LRRC56: variants seen among roughly 807,000 people sequenced by gnomAD.
The protein encoded by LRRC56 is leucine rich repeat containing 56.
A neutral mutation model predicts 47.8 loss-of-function variants in LRRC56; 41 were observed. That is an observed-to-expected ratio of 0.86 (90% CI 0.67 to 1.11). The LOEUF (loss-of-function observed/expected upper bound fraction) is 1.11. Ranked by LOEUF, LRRC56 falls within the 50% of genes most tolerant of loss-of-function variation. The probability of loss-of-function intolerance (pLI) is 0.00; values close to 1 mark genes in which losing one functional copy is unlikely to be tolerated. For missense variants in LRRC56, 759 were observed against 704.2 expected (o/e 1.08, Z -0.88); for synonymous variants, 387 against 311.2 (o/e 1.24, Z -2.56).
chr11:530,084 G>A, the LRRC56 span, among the ~76,000 whole-genome samples: 1 of 152,272 alleles, frequency 6.6e-6, no homozygotes, highest in Middle Eastern at 3.4e-3. Context: ...GCCACCCAGG[G>A]ACCTGGATGC....
At chr11:521,783 C>T in the LRRC56 span, among the ~76,000 whole-genome samples, 5 of 152,016 alleles carry the variant, frequency 3.3e-5, no homozygotes, top group South Asian at 2.1e-4. Context: ...GACGTGGTGG[C>T]GAGCGCCTGT....
intron 8 of LRRC56, 135 bp downstream of exon 8, chr11:550,407 C>G: frequency 1.2e-6 from 1 of 819,844 alleles, no homozygotes; most frequent in Non-Finnish European, 1.9e-6. Flanking sequence ...CATGAGTTCA[C>G]CTCCTCTGTC....
the LRRC56 span, among the ~76,000 whole-genome samples, chr11:517,420 G>C: frequency 6.6e-6 from 1 of 151,038 alleles, no homozygotes; most frequent in Non-Finnish European, 1.5e-5. Context: ...TGGCTGCCCC[G>C]TCTGGGAGTT....
Position 552,123 on chromosome 11 carries a change from A to G in LRRC56, c.1072A>G (p.Arg358Gly), listed in dbSNP as rs1554890697. ...REPPEQLPQH[R>G]PGDPAASTST... ...GCCCCCCGAGCAGCTGCCCCAACAC[A>G]GGCCAGGAGATCCGGCCGCCAGCAC... is the stretch of plus-strand genomic sequence containing the variant. Residue 358 changes from arginine to glycine, a missense_variant, in exon 12 of 14, where the codon AGG (arginine) becomes GGG (glycine). Coordinates refer to ENST00000270115, the MANE Select transcript of LRRC56 (RefSeq NM_198075.4). The G allele has an allele frequency of 6.2e-6, 10 of 1,612,328 alleles. No individual in the cohort carries two copies. The Admixed American group carries it at 1.7e-4, about 27-fold the overall frequency.
At position 541,661 on chromosome 11, in the gene LRRC56, G is replaced by A. The variant is rs750650721; in HGVS notation, c.265+37G>A. Reference sequence around the variant, plus strand: ...CCCACCCCGCCATGGCCACGGCCACGGCCACGCCTCCCTGTAAACAACACA... The same window carrying A: ...CCCACCCCGCCATGGCCACGGCCACAGCCACGCCTCCCTGTAAACAACACA... On this transcript the variant is annotated intron_variant, in intron 5 of 13. Transcript: ENST00000270115. This position sits in a 1 kb window ranked among gnomAD's most constrained non-coding sequence, Gnocchi z 4.1. The A allele has an allele frequency of 7.7e-6, 10 of 1,299,698 alleles. No homozygotes were observed. The highest frequency in any genetic ancestry group is 1.4e-5 in the South Asian group (1 of 73,126). 80.5% of individuals were successfully genotyped at this position (1,299,698 alleles called of 1,614,324 possible).
rs1851780308 is a variant in LRRC56 at position 541,319 on chromosome 11, C to T, written c.178-218C>T. Among the ~76,000 whole-genome samples, 1 of 152,188 alleles carries T rather than the reference C, an allele frequency of 6.6e-6. No individual in the cohort carries two copies. Reference sequence around the variant, plus strand: ...GAGACGGGCAGCCCCCAGGGCAGGTCCTTCTCCCGCAATGACCCCCCAGCC... The same window carrying T: ...GAGACGGGCAGCCCCCAGGGCAGGTTCTTCTCCCGCAATGACCCCCCAGCC... On this transcript the variant is annotated intron_variant, in intron 4 of 13. Transcript: ENST00000270115. The surrounding 1 kb of genome is among the most constrained non-coding windows in gnomAD (Gnocchi z 4.1).
chr11:522,641 C>T, the LRRC56 span, among the ~76,000 whole-genome samples: 13 of 152,242 alleles, frequency 8.5e-5, no homozygotes, highest in South Asian at 4.1e-4. Context: ...TCAAGCAATC[C>T]GCCCACCTTG....
At chr11:538,049 T>G (rs1851608169) in intron 1 of LRRC56, among the ~76,000 whole-genome samples, 1 of 152,070 alleles carries the variant, frequency 6.6e-6, no homozygotes, top group Non-Finnish European at 1.5e-5. Flanking sequence ...CATGGGGGCT[T>G]GCAGAGGGGA....
At chr11:518,211 C>T in the LRRC56 span, among the ~76,000 whole-genome samples, 2 of 151,064 alleles carry the variant, frequency 1.3e-5, no homozygotes, top group African/African-American at 4.9e-5. Context: ...GAGATGGAGT[C>T]TCGCTCTGTC....
the LRRC56 span, among the ~76,000 whole-genome samples, chr11:519,097 G>C: frequency 6.6e-6 from 1 of 151,278 alleles, no homozygotes; most frequent in African/African-American, 2.4e-5. Context: ...CTGCTGTCTG[G>C]CTTTTCTCAG....
upstream of LRRC56, chr11:533,619 G>T: frequency 6.2e-7 from 1 of 1,613,722 alleles, no homozygotes; most frequent in Non-Finnish European, 8.5e-7. Flanking sequence ...CTCCCTGAGA[G>T]GTGGAAAGCG....
At position 551,261 on chromosome 11, in the gene LRRC56, TGAA is replaced by T; in HGVS notation, c.757_759del (p.Lys253del). On this transcript the variant is annotated inframe_deletion, in exon 9 of 14. Transcript: ENST00000270115. ...CGGCTGAGCCAGGACTGGCTTGCGG[TGAA>T]GGAGGCCATCAAGAAGGGCAACGGC... is the stretch of plus-strand genomic sequence containing the variant. The T allele has an allele frequency of 6.5e-7, 1 of 1,536,592 alleles. No individual in the cohort carries two copies. The highest frequency in any genetic ancestry group is 8.8e-7 in the Non-Finnish European group (1 of 1,137,270).
chr11:544,570 C>T (rs1851978435), intron 5 of LRRC56, 150 bp from the exon 6 acceptor site: 4 of 786,016 alleles, frequency 5.1e-6, no homozygotes, highest in African/African-American at 1.7e-5. Context: ...CTGGGTGCCA[C>T]GTAACCCCTC....
upstream of LRRC56, chr11:534,569 G>A (rs1421354021): frequency 1.7e-6 from 1 of 584,474 alleles, no homozygotes; most frequent in East Asian, 2.8e-5. Context: ...GCCCCCACTT[G>A]CTCTTAATGA....
At chr11:551,547 T>G in intron 9 of LRRC56, 104 bp from the exon 10 acceptor site, 1 of 1,253,552 alleles carries the variant, frequency 8.0e-7, no homozygotes, top group Non-Finnish European at 1.1e-6. Context: ...GAGGCCAGCC[T>G]CAGGCCATGC....
In LRRC56 at chr11:554,145, AGAGCCCTGGAGGTGGCCTCACGCCT is replaced by A. The variant is rs780897961; in HGVS notation, c.1506_1530del (p.Val504ProfsTer168). 7 of 1,600,956 alleles carry A rather than the reference AGAGCCCTGGAGGTGGCCTCACGCCT, an allele frequency of 4.4e-6. No homozygotes were observed. The South Asian group carries it at 7.7e-5, about 18-fold the overall frequency. On this transcript the variant is annotated frameshift_variant, in exon 14 of 14. Transcript: ENST00000270115. LOFTEE classifies it low-confidence loss of function (END_TRUNC). ...TGGGGTGGCTGCAGTGCCTGTCCTG[AGAGCCCTGGAGGTGGCCTCACGCCT>A]GAGCCCTCGAGCCCAGGGATGTCCT... is the stretch of plus-strand genomic sequence containing the variant.
Position 552,578 on chromosome 11 carries a change from C to T in LRRC56, c.1191C>T (p.Pro397=), listed in dbSNP as rs765573511. 2.5e-6 allele frequency: 4 copies of T among 1,604,500 alleles called. No homozygotes were observed. Among genetic ancestry groups the T allele is most frequent in the East Asian group, 4.5e-5 (2 of 44,596 alleles). Residue 397 remains proline, a synonymous_variant, in exon 13 of 14, where the codon CCC becomes CCT. Transcript: ENST00000270115. ...AWREHGVRPL[P]YRHPESQQEG... is the part of the protein sequence containing the mutation. ...CCTCTCCCCACCCTAGCCCCCTCCCCTATAGGCACCCGGAGTCCCAACAGG... is the reference window on the plus strand; with the variant it reads ...CCTCTCCCCACCCTAGCCCCCTCCCTTATAGGCACCCGGAGTCCCAACAGG...
At chr11:544,879 A>G in intron 6 of LRRC56, 99 bp downstream of exon 6, 5 of 948,008 alleles carry the variant, frequency 5.3e-6, no homozygotes, top group East Asian at 3.1e-5. Context: ...GAGTGGGGGG[A>G]CTTGGGCTGG....
intron 6 of LRRC56, among the ~76,000 whole-genome samples, chr11:549,529 G>A (rs1311822713): frequency 6.6e-6 from 1 of 152,224 alleles, no homozygotes; most frequent in African/African-American, 2.4e-5. Flanking sequence ...AGGCTCCCAG[G>A]CAGCACTCCA....
Sources: gnomAD v4.1 joint callset for allele counts (sites outside exome capture counted in the v4.1 genomes callset) on GRCh38, gnomAD v4.1.1 for gene constraint, Gnocchi (gnomAD v3.1) non-coding constraint, MANE v1.5 for transcripts, NCBI Gene and HGNC (gene_info 2026-07-23, HGNC 2026-07-21) for gene names.